The following SUPT16H variants were observed in gnomAD, a reference collection of about 807,000 sequenced individuals.
SUPT16H encodes SPT16 homolog, facilitates chromatin remodeling subunit.
A neutral mutation model predicts 136.2 loss-of-function variants in SUPT16H; 24 were observed. The observed-to-expected ratio is 0.18, with a 90% confidence interval of 0.13 to 0.25. The LOEUF is 0.25. SUPT16H is among the 10% of genes least tolerant of loss of function. The pLI is 1.00. For missense variants in SUPT16H, 623 were observed against 1,270.2 expected (o/e 0.49, Z 7.74); for synonymous variants, 415 against 428.2 (o/e 0.97, Z 0.38).
At position 21,370,509 on chromosome 14, in the gene SUPT16H, A is replaced by G. The variant is rs192111098; in HGVS notation, c.331-21T>C. 1.6e-5 allele frequency: 25 copies of G among 1,612,804 alleles called. No homozygotes were observed. The East Asian group carries it at 5.3e-4, about 35-fold the overall frequency. On this transcript the variant is annotated intron_variant, in intron 3 of 25. Coordinates refer to ENST00000216297, the MANE Select transcript of SUPT16H (RefSeq NM_007192.4). The stretch of plus-strand genomic sequence containing the variant: ...TCATTCTGTCAGTGTCATAGGGAAG[A>G]AAAGACACATATGTTTTACCAGTTC...
intron 4 of SUPT16H, among the ~76,000 whole-genome samples, 193 bp downstream of exon 4, chr14:21,370,143 C>G (rs765879175): frequency 6.6e-6 from 1 of 151,970 alleles, no homozygotes; most frequent in Admixed American, 6.6e-5. Flanking sequence ...GCCCTCTAGA[C>G]GTTTTTTGTA....
intron 10 of SUPT16H, among the ~76,000 whole-genome samples, chr14:21,363,824 G>A (rs1357268569): frequency 2.6e-5 from 4 of 151,994 alleles, no homozygotes; most frequent in Admixed American, 6.6e-5. Context: ...AATTACAGAC[G>A]CGCACCACCA....
intron 22 of SUPT16H, among the ~76,000 whole-genome samples, chr14:21,356,581 TA>T: frequency 6.6e-6 from 1 of 151,450 alleles, no homozygotes; most frequent in East Asian, 1.9e-4. Context: ...TCATCTCTAG[TA>T]AAAAAAAATT....
chr14:21,380,254 T>C (rs568491701), intron 1 of SUPT16H, among the ~76,000 whole-genome samples: 1 of 149,750 alleles, frequency 6.7e-6, no homozygotes, highest in Admixed American at 6.7e-5. Flanking sequence ...TATCTAGGTA[T>C]GTCCTGGAAG....
At chr14:21,383,694 G>A (rs892094562) in intron 1 of SUPT16H, 168 bp downstream of exon 1, 5 of 757,396 alleles carry the variant, frequency 6.6e-6, no homozygotes, top group African/African-American at 5.2e-5. Flanking sequence ...TCCCTGTTAA[G>A]GGGCAGCGTT....
In SUPT16H at chr14:21,352,325, T is replaced by C; in HGVS notation, c.*348A>G. Reference sequence around the variant, plus strand: ...TTAAGGGTCACCTTGTACCACTGTCTTGGAAATACAGCTTTGAGACACCAA... The same window carrying C: ...TTAAGGGTCACCTTGTACCACTGTCCTGGAAATACAGCTTTGAGACACCAA... On this transcript the variant is annotated 3_prime_UTR_variant, in exon 26 of 26. Transcript: ENST00000216297. The C allele has an allele frequency of 3.4e-6, 1 of 289,988 alleles. No individual in the cohort carries two copies. Among genetic ancestry groups the C allele is most frequent in the Non-Finnish European group, 6.7e-6 (1 of 148,564 alleles). 18.0% of individuals were successfully genotyped at this position (289,988 alleles called of 1,614,324 possible). A position where few individuals can be genotyped will look rare whatever the true frequency, so the allele number is the denominator to read the frequency against.
chr14:21,364,645 A>G (rs1886627169), intron 10 of SUPT16H, among the ~76,000 whole-genome samples, 182 bp downstream of exon 10: 1 of 152,024 alleles, frequency 6.6e-6, no homozygotes, highest in African/African-American at 2.4e-5. Flanking sequence ...TATGATTTAA[A>G]GGTTTATATC....
intron 6 of SUPT16H, 71 bp from the exon 7 acceptor site, chr14:21,368,512 G>A (rs1594305325): frequency 5.5e-6 from 8 of 1,453,972 alleles, no homozygotes; most frequent in East Asian, 4.9e-5. Flanking sequence ...AATGGGACAC[G>A]GTATCAATAA....
chr14:21,364,995 G>C, intron 9 of SUPT16H, 56 bp from the exon 10 acceptor site: 1 of 1,605,322 alleles, frequency 6.2e-7, no homozygotes, highest in Non-Finnish European at 8.5e-7. Flanking sequence ...AGAGGTGTGA[G>C]ACATATGCCT....
chr14:21,354,765 T>C (rs751535475), intron 22 of SUPT16H: 21 of 365,024 alleles, frequency 5.8e-5, no homozygotes, highest in Non-Finnish European at 7.9e-5. Flanking sequence ...CTAATTTTTA[T>C]ATTTTTAGTA....
rs541166696 is a variant in SUPT16H, at chr14:21,383,763, G to C, written c.66+99C>G. On this transcript the variant is annotated intron_variant, in intron 1 of 25. Transcript: ENST00000216297. ...CGAAAAGGGTGAGGCACAGAACCCGGGAATTCCTGACCGAAAGAGAAAAAA... is the reference window on the plus strand; with the variant it reads ...CGAAAAGGGTGAGGCACAGAACCCGCGAATTCCTGACCGAAAGAGAAAAAA... 6.1e-5 allele frequency: 85 copies of C among 1,404,616 alleles called. No individual in the cohort carries two copies. The Middle Eastern group carries it at 1.4e-3, about 23-fold the overall frequency. The allele number at this position is 1,404,616 out of a possible 1,614,324, so 87.0% of individuals were successfully genotyped here.
At chr14:21,364,022 A>G (rs1048129354) in intron 10 of SUPT16H, among the ~76,000 whole-genome samples, 1 of 152,184 alleles carries the variant, frequency 6.6e-6, no homozygotes, top group Non-Finnish European at 1.5e-5. Flanking sequence ...TCACTAATAC[A>G]GGTTTGATTT....
chr14:21,355,269 C>T (rs954230554), intron 22 of SUPT16H, among the ~76,000 whole-genome samples: 5 of 151,916 alleles, frequency 3.3e-5, no homozygotes, highest in African/African-American at 4.8e-5. Flanking sequence ...CCAAGGCAGG[C>T]GGATCACGAG....
chr14:21,363,969 G>A (rs1359854984), intron 10 of SUPT16H, among the ~76,000 whole-genome samples: 2 of 152,140 alleles, frequency 1.3e-5, no homozygotes, highest in Non-Finnish European at 2.9e-5. Flanking sequence ...GTGAGCCACT[G>A]CGCCCAGCCA....
Position 21,369,821 on chromosome 14 carries a change from C to A in SUPT16H, c.559G>T (p.Ala187Ser). 1 of 1,614,162 alleles carries A rather than the reference C, an allele frequency of 6.2e-7. No homozygotes were observed. Among genetic ancestry groups the A allele is most frequent in the South Asian group, 1.1e-5 (1 of 91,082 alleles). The change falls in exon 5 of 26, where the codon GCC (alanine) becomes TCC (serine). Residue 187 changes from alanine (A) to serine (S), a missense_variant. Ala to Ser is a moderately conservative substitution (Grantham distance 99). Around this residue, in one of 7 missense-constraint regions of SUPT16H, gnomAD observed 343 missense variants for 525.7 expected, o/e 0.65. Transcript: ENST00000216297. ...DGELNLMKKA[A>S]SITSEVFNKF... ...TTGAAGACTTCAGAAGTGATGCTGG[C>A]TGCTTTCTTCATTAGGTTGAGCTCC...
At chr14:21,371,785 C>T (rs1175306554) in intron 3 of SUPT16H, 89 bp downstream of exon 3, 50 of 1,478,950 alleles carry the variant, frequency 3.4e-5, no homozygotes, top group Non-Finnish European at 4.0e-5. Flanking sequence ...ATTTCCCCTG[C>T]GCATTCTTTC....
At position 21,383,978 on chromosome 14, in the gene SUPT16H, G is replaced by T; in HGVS notation, c.-51C>A. On this transcript the variant is annotated 5_prime_UTR_variant, in exon 1 of 26. Transcript: ENST00000216297. ...GTTCCGAGAATCACGCGAGGTCCCGGCTCAGCCACCCGCTCTCGGCCCAGG... is the reference window on the plus strand; with the variant it reads ...GTTCCGAGAATCACGCGAGGTCCCGTCTCAGCCACCCGCTCTCGGCCCAGG... 6.2e-7 allele frequency: 1 copy of T among 1,606,984 alleles called. No homozygotes were observed. Among genetic ancestry groups the T allele is most frequent in the East Asian group, 2.2e-5 (1 of 44,848 alleles).
rs61746713 is a variant in SUPT16H at position 21,363,260 on chromosome 14, C to T, written c.1368G>A (p.Arg456=). ...TTGTTCTTTCTGTAAGTAATGCTGC[C>T]CGAGAACCTCTTCCCAAAAGGTCCT... The part of the protein sequence containing the change: ...EAEDLLGRGS[R]AALLTERTRN... Residue 456 remains arginine (R), a synonymous_variant, in exon 12 of 26, where the codon CGG becomes CGA. Transcript: ENST00000216297. 172,271 of 1,613,754 alleles carry T rather than the reference C, an allele frequency of 0.11. 10,444 individuals carry two copies. Among genetic ancestry groups the T allele is most frequent in the Non-Finnish European group, 0.12 (144,435 of 1,179,796 alleles).
chr14:21,361,372 A>G, intron 15 of SUPT16H, 159 bp from the exon 16 acceptor site: 2 of 842,956 alleles, frequency 2.4e-6, no homozygotes, highest in South Asian at 3.0e-5. Flanking sequence ...GCTGGAGTGC[A>G]GTGGCCCAAT....
Sources: gnomAD v4.1 joint callset for allele counts (sites outside exome capture counted in the v4.1 genomes callset) on GRCh38, gnomAD v4.1.1 for gene constraint, gnomAD v4.1.1 regional missense constraint, MANE v1.5 for transcripts, NCBI Gene and HGNC (gene_info 2026-07-23, HGNC 2026-07-21) for gene names.